The following LARGE1 variants were observed in gnomAD, a reference collection of about 807,000 sequenced individuals.
LARGE1 encodes LARGE xylosyl- and glucuronyltransferase 1.
In LARGE1, 43 loss-of-function variants were observed where a neutral mutation model predicts 87.6. That is an observed-to-expected ratio of 0.49 (90% CI 0.38 to 0.63). The LOEUF (loss-of-function observed/expected upper bound fraction) is 0.63. LARGE1 is among the 30% of genes least tolerant of loss of function. The probability of loss-of-function intolerance (pLI) is 0.00; values close to 1 mark genes in which losing one functional copy is unlikely to be tolerated. For missense variants in LARGE1, 802 were observed against 1,000.2 expected (o/e 0.80, Z 2.67); for synonymous variants, 434 against 394.6 (o/e 1.10, Z -1.18).
At position 33,384,223 on chromosome 22, in the gene LARGE1, A is replaced by G. The variant is rs2065251491; in HGVS notation, c.974T>C (p.Met325Thr). 1.2e-6 allele frequency: 2 copies of G among 1,614,170 alleles called. No homozygotes were observed. Among genetic ancestry groups the G allele is most frequent in the South Asian group, 1.1e-5 (1 of 91,078 alleles). The change falls in exon 8 of 15, where the codon ATG becomes ACG. Residue 325 changes from methionine (M) to threonine (T), a missense_variant. Physicochemically the swap from Met to Thr is moderately conservative, Grantham distance 81. Coordinates refer to ENST00000397394, the MANE Select transcript of LARGE1 (RefSeq NM_133642.5). Reference protein sequence around the residue: ...MWRLTAERELMGMLSTSLADQ... With the variant: ...MWRLTAERELTGMLSTSLADQ... The stretch of plus-strand genomic sequence containing the variant: ...AGCTAAGGATGTAGAGAGCATGCCC[A>G]TGAGCTCCCTCTCTGCGGTCAGCCT...
chr22:33,149,040 C>CTT, the LARGE1 span, among the ~76,000 whole-genome samples: 9 of 136,912 alleles, frequency 6.6e-5, no homozygotes, highest in South Asian at 2.3e-4. Flanking sequence ...TTCTTTTTTT[C>CTT]TTTTTTTTTT....
chr22:33,698,697 G>A (rs1039741010), intron 2 of LARGE1, among the ~76,000 whole-genome samples: 5 of 152,212 alleles, frequency 3.3e-5, no homozygotes, highest in African/African-American at 1.2e-4. Flanking sequence ...TTTACTGAAC[G>A]TCCACTCATC....
rs2068715771 is a variant in LARGE1, at chr22:33,468,791, T to A, written c.788-36526A>T. On this transcript the variant is annotated intron_variant, in intron 6 of 14. Transcript: ENST00000397394. ...CCAGGTTTGTCTGACTTCAAAGTCCTGTTATTTTCATCACACAAAGCTGCC... is the reference window on the plus strand; with the variant it reads ...CCAGGTTTGTCTGACTTCAAAGTCCAGTTATTTTCATCACACAAAGCTGCC... Among the ~76,000 whole-genome samples the A allele has an allele frequency of 2.0e-5, 3 of 152,190 alleles. No homozygotes were observed. The South Asian group carries it at 6.2e-4, about 32-fold the overall frequency.
chr22:33,872,035 T>C (rs2064304238), intron 1 of LARGE1, among the ~76,000 whole-genome samples: 1 of 141,830 alleles, frequency 7.1e-6, no homozygotes, highest in South Asian at 2.3e-4. Context: ...AATGAGGAAC[T>C]AGGGTGGCAG....
intron 1 of LARGE1, among the ~76,000 whole-genome samples, chr22:33,901,060 AG>A (rs779846706): frequency 1.4e-4 from 22 of 151,978 alleles, no homozygotes; most frequent in African/African-American, 4.8e-4. Flanking sequence ...AAAAAAAGGG[AG>A]GGGGGGTTGT....
intron 11 of LARGE1, among the ~76,000 whole-genome samples, chr22:33,314,120 C>T (rs1300151163): frequency 2.6e-5 from 4 of 152,104 alleles, no homozygotes; most frequent in East Asian, 3.9e-4. Flanking sequence ...GGACAGGGCT[C>T]GCCAGGGCCC....
At chr22:33,154,418 T>G in the LARGE1 span, among the ~76,000 whole-genome samples, 1 of 152,134 alleles carries the variant, frequency 6.6e-6, no homozygotes, top group Non-Finnish European at 1.5e-5. Context: ...TTTTTGTATT[T>G]TTGTAGACAT....
At chr22:33,921,024 T>A (rs965284083), upstream of LARGE1, among the ~76,000 whole-genome samples, 1 of 149,648 alleles carries the variant, frequency 6.7e-6, no homozygotes, top group African/African-American at 2.4e-5. This position sits in a 1 kb window ranked among gnomAD's most constrained non-coding sequence, Gnocchi z 4.1. Context: ...GTCTGTGTCA[T>A]GTCTGTGCAG....
chr22:33,348,289 C>CAA (rs201826859), intron 9 of LARGE1, among the ~76,000 whole-genome samples: 3 of 124,050 alleles, frequency 2.4e-5, no homozygotes, highest in Admixed American at 8.3e-5. Context: ...CACCCCCCCC[C>CAA]AAAAAAAAAG....
chr22:33,447,689 TGAA>T (rs763877264), intron 6 of LARGE1, among the ~76,000 whole-genome samples: 2 of 152,210 alleles, frequency 1.3e-5, no homozygotes, highest in Non-Finnish European at 2.9e-5. Flanking sequence ...GTCTTGGGGA[TGAA>T]GAAGAAGTGC....
chr22:33,390,297 TAATCTCAC>T (rs2065473297), intron 7 of LARGE1, among the ~76,000 whole-genome samples: 1 of 152,218 alleles, frequency 6.6e-6, no homozygotes, highest in African/African-American at 2.4e-5. Context: ...GAGCCTCCTC[TAATCTCAC>T]AACATTCTTA....
At chr22:33,592,331 CT>C (rs2078865053) in intron 5 of LARGE1, among the ~76,000 whole-genome samples, 1 of 151,814 alleles carries the variant, frequency 6.6e-6, no homozygotes, top group Admixed American at 6.6e-5. Context: ...TTTTTTCTGT[CT>C]CATCTTCTTT....
At chr22:33,375,293 C>T (rs2064954943) in intron 9 of LARGE1, among the ~76,000 whole-genome samples, 1 of 152,118 alleles carries the variant, frequency 6.6e-6, no homozygotes, top group Admixed American at 6.6e-5. Context: ...TTCCAATTTT[C>T]TCTCTCCAAA....
At chr22:33,709,267 C>G (rs2082653921) in intron 2 of LARGE1, among the ~76,000 whole-genome samples, 1 of 152,152 alleles carries the variant, frequency 6.6e-6, no homozygotes, top group Non-Finnish European at 1.5e-5. Flanking sequence ...GGTTTAAAAT[C>G]CAGACCTCCA....
chr22:33,335,647 C>A (rs886823490), intron 10 of LARGE1, among the ~76,000 whole-genome samples: 17 of 152,212 alleles, frequency 1.1e-4, no homozygotes, highest in Non-Finnish European at 2.1e-4. Flanking sequence ...TGGCTCCTGC[C>A]TACCTGAGCC....
At chr22:33,345,808 G>T (rs1267625874) in intron 9 of LARGE1, among the ~76,000 whole-genome samples, 1 of 151,966 alleles carries the variant, frequency 6.6e-6, no homozygotes, top group Non-Finnish European at 1.5e-5. Flanking sequence ...CTCAGTGCAA[G>T]GACAAGGCTG....
the LARGE1 span, among the ~76,000 whole-genome samples, chr22:33,133,597 G>T: frequency 6.6e-6 from 1 of 152,152 alleles, no homozygotes; most frequent in Non-Finnish European, 1.5e-5. Flanking sequence ...CATTTGGGTT[G>T]GTTCCAACTC....
intron 10 of LARGE1, among the ~76,000 whole-genome samples, chr22:33,335,856 G>C (rs1327914388): frequency 2.0e-5 from 3 of 152,218 alleles, no homozygotes; most frequent in African/African-American, 7.2e-5. Flanking sequence ...AACCAGTGGA[G>C]CTGCTCACTA....
chr22:33,754,340 C>CTTT (rs112432978), intron 2 of LARGE1, among the ~76,000 whole-genome samples: 1 of 143,846 alleles, frequency 7.0e-6, no homozygotes, highest in Non-Finnish European at 1.5e-5. Context: ...TGAAAAAGTT[C>CTTT]TTTTTTTTTT....
Sources: allele counts gnomAD v4.1 joint callset (sites outside exome capture counted in the v4.1 genomes callset), GRCh38; gene constraint gnomAD v4.1.1; non-coding constraint Gnocchi (gnomAD v3.1); transcripts MANE v1.5; gene names NCBI Gene and HGNC (gene_info 2026-07-23, HGNC 2026-07-21).